The following WASF3 variants were observed in gnomAD, a reference collection of about 807,000 sequenced individuals.
The protein encoded by WASF3 is WASP family member 3, also known as actin-binding protein WASF3.
Under a neutral mutation model 46.6 loss-of-function variants are expected in WASF3, and 11 were observed. That is an observed-to-expected ratio of 0.24 (90% CI 0.15 to 0.39). The LOEUF is 0.39. WASF3 is among the 10% of genes least tolerant of loss of function. The probability of loss-of-function intolerance (pLI) is 1.00; values close to 1 mark genes in which losing one functional copy is unlikely to be tolerated. For synonymous variants in WASF3, 242 were observed against 259.7 expected (o/e 0.93, Z 0.65); for missense variants, 576 against 669.8 (o/e 0.86, Z 1.55).
At chr13:26,550,099 A>G in the WASF3 span, among the ~76,000 whole-genome samples, 8 of 152,238 alleles carry the variant, frequency 5.3e-5, no homozygotes, top group African/African-American at 1.9e-4. Context: ...ATAGCTATTC[A>G]ATTTTTGTAA....
At chr13:26,549,948 A>C in the WASF3 span, among the ~76,000 whole-genome samples, 1 of 152,208 alleles carries the variant, frequency 6.6e-6, no homozygotes, top group African/African-American at 2.4e-5. Flanking sequence ...CAGCACAGAG[A>C]TAAAAGCCAA....
intron 3 of WASF3, among the ~76,000 whole-genome samples, chr13:26,650,288 A>T (rs1566063098): frequency 6.6e-6 from 1 of 152,190 alleles, no homozygotes; most frequent in South Asian, 2.1e-4. Context: ...GACCCCAGTC[A>T]TAGGACTGTA....
chr13:26,606,693 A>AT, intron 1 of WASF3: 1 of 151,984 alleles, frequency 6.6e-6, no homozygotes. Flanking sequence ...TTAGTTGGTG[A>AT]TAAGAGTTTA....
At chr13:26,547,228 C>G in the WASF3 span, among the ~76,000 whole-genome samples, 1 of 151,962 alleles carries the variant, frequency 6.6e-6, no homozygotes, top group African/African-American at 2.4e-5. Context: ...TGTTTGAATT[C>G]CTAATTTGTA....
chr13:26,645,438 G>A (rs1440605012), intron 3 of WASF3, among the ~76,000 whole-genome samples: 1 of 152,148 alleles, frequency 6.6e-6, no homozygotes, highest in Non-Finnish European at 1.5e-5. Context: ...CAAATTGCCT[G>A]TGACACTGAA....
chr13:26,568,089 G>T (rs1879525809), intron 1 of WASF3, among the ~76,000 whole-genome samples: 1 of 152,066 alleles, frequency 6.6e-6, no homozygotes, highest in Non-Finnish European at 1.5e-5. Flanking sequence ...AGTGACAGAG[G>T]TATTAAAGGG....
chr13:26,636,325 G>A (rs112358866), intron 2 of WASF3, among the ~76,000 whole-genome samples: 7,173 of 152,294 alleles, frequency 0.047, 592 homozygotes, highest in African/African-American at 0.16. Context: ...AGCCAGGCAC[G>A]GGAGAGAATC....
chr13:26,674,171 A>G (rs947343537), intron 6 of WASF3, among the ~76,000 whole-genome samples: 2 of 152,160 alleles, frequency 1.3e-5, no homozygotes, highest in East Asian at 1.9e-4. Context: ...TCCTGTGTGC[A>G]TGTTGATAGG....
chr13:26,590,955 C>T (rs1186783909), intron 1 of WASF3, among the ~76,000 whole-genome samples: 1 of 152,082 alleles, frequency 6.6e-6, no homozygotes, highest in African/African-American at 2.4e-5. Context: ...TCAGGACTTG[C>T]AGTTTTAATT....
intron 2 of WASF3, among the ~76,000 whole-genome samples, chr13:26,633,200 C>CTTTTTTTTTTTT (rs58237286): frequency 0.014 from 1,226 of 90,390 alleles, 141 homozygotes; most frequent in Non-Finnish European, 0.02. Flanking sequence ...TTAGTTATTT[C>CTTTTTTTTTTTT]TTTTTTTTTT....
chr13:26,588,260 G>A (rs533433276), intron 1 of WASF3, among the ~76,000 whole-genome samples: 1 of 152,202 alleles, frequency 6.6e-6, no homozygotes, highest in Non-Finnish European at 1.5e-5. Flanking sequence ...TTCAGAGTGG[G>A]AGTTGGTTTA....
chr13:26,599,693 C>G (rs1880589789), intron 1 of WASF3, among the ~76,000 whole-genome samples: 1 of 152,182 alleles, frequency 6.6e-6, no homozygotes, highest in Admixed American at 6.5e-5. Context: ...GTCTTTCCAC[C>G]ACTTTGCCAC....
chr13:26,673,682 AAAAAACCC>A (rs1349555491), intron 6 of WASF3, among the ~76,000 whole-genome samples: 1 of 152,248 alleles, frequency 6.6e-6, no homozygotes, highest in Non-Finnish European at 1.5e-5. Flanking sequence ...TTTGGGGATT[AAAAAACCC>A]ATGTTTTTGA....
At chr13:26,567,798 T>A (rs978689104) in intron 1 of WASF3, among the ~76,000 whole-genome samples, 9 of 152,072 alleles carry the variant, frequency 5.9e-5, no homozygotes, top group African/African-American at 2.2e-4. Flanking sequence ...TGTGCGTGTA[T>A]TTATACGTGT....
chr13:26,608,730 A>G (rs1163258704), intron 1 of WASF3, among the ~76,000 whole-genome samples: 1 of 152,222 alleles, frequency 6.6e-6, no homozygotes, highest in African/African-American at 2.4e-5. Flanking sequence ...TGAGAGACCA[A>G]GAAAGAGGAG....
In WASF3 at chr13:26,599,180, A is replaced by ATTTC. The variant is rs1491237518; in HGVS notation, c.-108-13777_-108-13774dup. On this transcript the variant is annotated intron_variant, in intron 1 of 9. Transcript: ENST00000335327. ...CCTGGCCTGCCCTGCTCTTCTTTTC[A>ATTTC]TTTCTTTTTTTTTTTTTTTTTGAGA... 1.4e-4 allele frequency among the ~76,000 whole-genome samples: 7 copies of ATTTC among 51,488 alleles called. No homozygotes were observed. In the East Asian group the frequency reaches 3.5e-3, roughly 26 times the overall value. 33.8% of individuals were successfully genotyped at this position (51,488 alleles called of 152,430 possible). A position where few individuals can be genotyped will look rare whatever the true frequency, so the allele number is the denominator to read the frequency against.
intron 4 of WASF3, among the ~76,000 whole-genome samples, chr13:26,666,918 G>A (rs1204714693): frequency 1.5e-5 from 2 of 137,324 alleles, no homozygotes; most frequent in Non-Finnish European, 3.2e-5. Flanking sequence ...GAAATGTAAA[G>A]TGCTGTACAA....
At position 26,665,111 on chromosome 13, in the gene WASF3, A is replaced by T. The variant is rs750718912; in HGVS notation, c.217A>T (p.Ile73Phe). 6.2e-7 allele frequency: 1 copy of T among 1,614,188 alleles called. No homozygotes were observed. Among genetic ancestry groups the T allele is most frequent in the Non-Finnish European group, 8.5e-7 (1 of 1,180,008 alleles). ...CAGAGCAAATTCTCTTCAAGACAGA[A>T]TTGATCGCCTTGCTGTCAAAGTCAC... ...YIRANSLQDRIDRLAVKVTQL... is the reference protein window; with the variant it reads ...YIRANSLQDRFDRLAVKVTQL... The change falls in exon 4 of 10, where the codon ATT (isoleucine) becomes TTT (phenylalanine). Residue 73 changes from isoleucine to phenylalanine, a missense_variant. Around this residue, in one of 3 missense-constraint regions of WASF3, gnomAD observed 213 missense variants for 278.0 expected, o/e 0.77. Transcript: ENST00000335327.
At chr13:26,662,125 A>G (rs576060645) in intron 3 of WASF3, among the ~76,000 whole-genome samples, 6 of 152,378 alleles carry the variant, frequency 3.9e-5, no homozygotes, top group Non-Finnish European at 7.3e-5. Context: ...TAGAAAGGCT[A>G]CTATTAAAAA....
Sources: allele counts gnomAD v4.1 joint callset (sites outside exome capture counted in the v4.1 genomes callset), GRCh38; gene constraint gnomAD v4.1.1; regional missense constraint gnomAD v4.1.1; transcripts MANE v1.5; gene names NCBI Gene and HGNC (gene_info 2026-07-23, HGNC 2026-07-21).